SUMO2: variants seen among roughly 807,000 people sequenced by gnomAD.
The protein encoded by SUMO2 is small ubiquitin-related modifier 2.
Under a neutral mutation model 16.0 loss-of-function variants are expected in SUMO2, and 1 was observed. The ratio of observed to expected loss-of-function variants is 0.06; its 90% confidence interval spans 0.02 to 0.30. The LOEUF (loss-of-function observed/expected upper bound fraction) is 0.30, where lower values mean the gene tolerates loss of function less well. Among genes scored for constraint, SUMO2 ranks in the 10% least tolerant of loss-of-function variants. The probability of loss-of-function intolerance (pLI) is 1.00; values close to 1 mark genes in which losing one functional copy is unlikely to be tolerated. For missense variants in SUMO2, 16 were observed against 117.5 expected, an observed-to-expected ratio of 0.14 and a Z score of 3.99; for synonymous variants, 36 against 40.6, an observed-to-expected ratio of 0.89 and a Z score of 0.43.
chr17:75,174,987 C>T (rs1172716312), intron 2 of SUMO2, among the ~76,000 whole-genome samples, 164 bp from the exon 3 acceptor site: 3 of 152,048 alleles, frequency 2.0e-5, no homozygotes, highest in African/African-American at 7.2e-5. Flanking sequence ...GGGTGATTTT[C>T]ATTTTCTTTT....
intron 3 of SUMO2, among the ~76,000 whole-genome samples, chr17:75,170,065 T>C (rs544961610): frequency 3.4e-4 from 51 of 151,718 alleles, no homozygotes; most frequent in Non-Finnish European, 5.7e-4. Context: ...TAATCCCAGC[T>C]ACTTGGGAGG....
At chr17:75,175,203 G>C (rs368853034) in intron 2 of SUMO2, among the ~76,000 whole-genome samples, 1 of 152,040 alleles carries the variant, frequency 6.6e-6, no homozygotes, top group Non-Finnish European at 1.5e-5. Flanking sequence ...GGCTGGTCTC[G>C]AACTCCTAAC....
chr17:75,177,289 C>T (rs948509031), intron 2 of SUMO2, among the ~76,000 whole-genome samples: 5 of 151,926 alleles, frequency 3.3e-5, no homozygotes, highest in Non-Finnish European at 5.9e-5. Flanking sequence ...ATTGCTTGAA[C>T]CCAGGAGCAG....
At chr17:75,170,705 C>G (rs1466695987) in intron 3 of SUMO2, among the ~76,000 whole-genome samples, 2 of 151,570 alleles carry the variant, frequency 1.3e-5, no homozygotes, top group African/African-American at 2.4e-5. Context: ...AAAAAATTAG[C>G]TGGGCATGGT....
At chr17:75,173,422 C>G (rs1568046455) in intron 3 of SUMO2, among the ~76,000 whole-genome samples, 1 of 151,910 alleles carries the variant, frequency 6.6e-6, no homozygotes, top group Non-Finnish European at 1.5e-5. Flanking sequence ...TGTCAGTTTC[C>G]TAAAGTGATA....
intron 3 of SUMO2, among the ~76,000 whole-genome samples, chr17:75,170,885 CAT>C (rs1270123678): frequency 6.9e-6 from 1 of 144,726 alleles, no homozygotes; most frequent in Non-Finnish European, 1.5e-5. Flanking sequence ...ATTAATAAAA[CAT>C]AGTATGCTCA....
chr17:75,178,308 G>A (rs985653180), intron 2 of SUMO2, among the ~76,000 whole-genome samples: 6 of 151,688 alleles, frequency 4.0e-5, no homozygotes, highest in African/African-American at 1.5e-4. Context: ...GAGGTCAAGA[G>A]ATCGAGATCA....
chr17:75,181,381 C>T (rs1253793760), intron 1 of SUMO2, among the ~76,000 whole-genome samples, 193 bp from the exon 2 acceptor site: 1 of 152,076 alleles, frequency 6.6e-6, no homozygotes, highest in Non-Finnish European at 1.5e-5. Flanking sequence ...TATTAGATAG[C>T]TGTCAGATAC....
At chr17:75,181,834 C>T (rs2074831288) in intron 1 of SUMO2, among the ~76,000 whole-genome samples, 1 of 152,148 alleles carries the variant, frequency 6.6e-6, no homozygotes, top group Non-Finnish European at 1.5e-5. Context: ...CTCCCCTCCC[C>T]CCCTTTGTTG....
Position 75,168,434 on chromosome 17 carries a change from C to A in SUMO2, c.226-33G>T, listed in dbSNP as rs2074710043. The A allele has an allele frequency of 3.8e-6, 6 of 1,566,730 alleles. No individual in the cohort carries two copies. The East Asian group carries it at 1.4e-4, about 36-fold the overall frequency. ...AAAAGAAAAAACAAATGTAAAAGCA[C>A]TGATTAAGTTCTGAAAATTAATGAT... On this transcript the variant is annotated intron_variant, in intron 3 of 3. Transcript: ENST00000420826.
intron 2 of SUMO2, among the ~76,000 whole-genome samples, chr17:75,179,460 A>C (rs1007350720): frequency 6.6e-5 from 10 of 151,248 alleles, no homozygotes; most frequent in African/African-American, 9.7e-5. Context: ...CTCGGGAGGC[A>C]GAAGTTGCAG....
chr17:75,174,742 A>G lies in SUMO2; in HGVS notation c.225+10T>C. On this transcript the variant is annotated intron_variant, in intron 3 of 3. Coordinates refer to ENST00000420826, the MANE Select transcript of SUMO2 (RefSeq NM_006937.4). ...ATGGTAATTTTTCTAATTAGGAGAG[A>G]TTTTTTTACCTGTGCAGGTGTGTCT... 2 of 1,611,258 alleles carry G rather than the reference A, an allele frequency of 1.2e-6. No homozygotes were observed. Among genetic ancestry groups the G allele is most frequent in the Non-Finnish European group, 8.5e-7 (1 of 1,178,794 alleles).
Position 75,166,545 on chromosome 17 carries a change from T to G in SUMO2, c.*1794A>C, listed in dbSNP as rs1270441145. The stretch of plus-strand genomic sequence containing the variant: ...GGCTCACGCCTGTAAACCCAGCACA[T>G]TGGGAGGCTAAGGCAGATAGATCAC... On this transcript the variant is annotated 3_prime_UTR_variant, in exon 4 of 4. Transcript: ENST00000420826. 1 of 152,150 alleles carries G rather than the reference T, an allele frequency of 6.6e-6. No homozygotes were observed. Among genetic ancestry groups the G allele is most frequent in the Non-Finnish European group, 1.5e-5 (1 of 68,038 alleles). The allele number at this position is 152,150 out of a possible 1,614,324, so 9.4% of individuals were successfully genotyped here.
chr17:75,176,327 T>A (rs1007603363), intron 2 of SUMO2, among the ~76,000 whole-genome samples: 2 of 152,058 alleles, frequency 1.3e-5, no homozygotes, highest in Non-Finnish European at 2.9e-5. Flanking sequence ...AAATGCCCAT[T>A]TAAAGACTCC....
chr17:75,172,933 TGA>T (rs1253305368), intron 3 of SUMO2, among the ~76,000 whole-genome samples: 1 of 152,200 alleles, frequency 6.6e-6, no homozygotes, highest in African/African-American at 2.4e-5. Context: ...TAATTCCTTT[TGA>T]GAGACTGTCA....
intron 1 of SUMO2, among the ~76,000 whole-genome samples, chr17:75,181,665 C>T (rs1436080298): frequency 6.6e-6 from 1 of 152,070 alleles, no homozygotes; most frequent in Non-Finnish European, 1.5e-5. Flanking sequence ...AGTTTAATAA[C>T]CTAAATCCAA....
intron 2 of SUMO2, among the ~76,000 whole-genome samples, chr17:75,178,196 A>G (rs1318848762): frequency 6.6e-6 from 1 of 151,438 alleles, no homozygotes; most frequent in Non-Finnish European, 1.5e-5. Context: ...GCAATTGCAG[A>G]AAAGTTAAAT....
chr17:75,176,435 G>C (rs946688802), intron 2 of SUMO2, among the ~76,000 whole-genome samples: 4 of 151,878 alleles, frequency 2.6e-5, no homozygotes, highest in Non-Finnish European at 4.4e-5. Flanking sequence ...GGCCAATATG[G>C]TGAAACCCCG....
At chr17:75,169,371 C>T (rs1409095374) in intron 3 of SUMO2, among the ~76,000 whole-genome samples, 4 of 151,592 alleles carry the variant, frequency 2.6e-5, no homozygotes, top group African/African-American at 9.7e-5. Flanking sequence ...ACACCCCATC[C>T]CTATTAAAAA....
Sources: gnomAD v4.1 joint callset for allele counts (sites outside exome capture counted in the v4.1 genomes callset) on GRCh38, gnomAD v4.1.1 for gene constraint, MANE v1.5 for transcripts, NCBI Gene and HGNC (gene_info 2026-07-23, HGNC 2026-07-21) for gene names.